Variants in CBLN2 observed in about 807,000 individuals in gnomAD.
CBLN2 encodes cerebellin 2 precursor, also known as cerebellin-2.
In CBLN2, 7 loss-of-function variants were observed where a neutral mutation model predicts 15.0. The ratio of observed to expected loss-of-function variants is 0.47; its 90% confidence interval spans 0.27 to 0.88. The LOEUF (loss-of-function observed/expected upper bound fraction) is 0.88, where lower values mean the gene tolerates loss of function less well. CBLN2 is among the 40% of genes least tolerant of loss of function. The pLI is 0.14. For missense variants in CBLN2, 242 were observed against 304.5 expected (o/e 0.79, Z 1.53); for synonymous variants, 149 against 135.2 (o/e 1.10, Z -0.71).
intron 1 of CBLN2, among the ~76,000 whole-genome samples, chr18:72,553,458 TGATAGATAGATAGATAGATA>T (rs5826203): frequency 4.7e-5 from 7 of 148,808 alleles, no homozygotes; most frequent in Non-Finnish European, 8.9e-5. Context: ...TAACAATTTG[TGATAGATAGATAGATAGATA>T]GATAGATAGA....
intron 1 of CBLN2, among the ~76,000 whole-genome samples, chr18:72,561,212 C>G (rs373828650): frequency 1.4e-5 from 2 of 140,336 alleles, no homozygotes; most frequent in East Asian, 4.2e-4. Context: ...CTTGAAATCA[C>G]TCCCAGGAAA....
chr18:72,632,951 A>T (rs959395332), intron 1 of CBLN2, among the ~76,000 whole-genome samples: 29 of 152,342 alleles, frequency 1.9e-4, no homozygotes, highest in African/African-American at 7.0e-4. Flanking sequence ...GAATAAATTA[A>T]TGAATAAATG....
chr18:72,583,264 G>A (rs1379020301), intron 1 of CBLN2, among the ~76,000 whole-genome samples: 1 of 152,206 alleles, frequency 6.6e-6, no homozygotes, highest in African/African-American at 2.4e-5. Flanking sequence ...AAAGAGAGGA[G>A]GGAAGAAGCG....
At chr18:72,565,566 T>A (rs2069289153) in intron 1 of CBLN2, among the ~76,000 whole-genome samples, 2 of 152,186 alleles carry the variant, frequency 1.3e-5, no homozygotes, top group African/African-American at 2.4e-5. Context: ...TAAGTTGTTA[T>A]CAACTTTAGA....
At chr18:72,574,269 G>A (rs2069350583) in intron 1 of CBLN2, among the ~76,000 whole-genome samples, 1 of 152,132 alleles carries the variant, frequency 6.6e-6, no homozygotes, top group African/African-American at 2.4e-5. Context: ...TCTCAGATCA[G>A]AATTTTTTAA....
chr18:72,541,843 G>A lies in CBLN2; in HGVS notation c.318C>T (p.Ser106=), dbSNP rs144009820. The change falls in exon 3 of 5, where the codon TCC becomes TCT. Residue 106 remains serine, a synonymous_variant. Transcript: ENST00000269503. The stretch of plus-strand genomic sequence containing the variant: ...TGGTCATGGTGCGGTTGCTCATCTC[G>A]GACGGCTCGTGGTTGGTGCTCCGCG... The part of the protein sequence containing the change: ...SATRSTNHEP[S]EMSNRTMTIY... 7 of 1,591,430 alleles carry A rather than the reference G, an allele frequency of 4.4e-6. No homozygotes were observed. Among genetic ancestry groups the A allele is most frequent in the African/African-American group, 4.1e-5 (3 of 73,868 alleles).
At chr18:72,618,397 C>A in intron 1 of CBLN2, 1 of 563,946 alleles carries the variant, frequency 1.8e-6, no homozygotes, top group South Asian at 1.7e-5. Flanking sequence ...ACAGACTAGG[C>A]GGTCTTGAGA....
rs189637601 is a variant in CBLN2, at chr18:72,588,763, C to T, written c.15+49562G>A. On this transcript the variant is annotated intron_variant, in intron 1 of 2. Transcript: ENST00000581073. The stretch of plus-strand genomic sequence containing the variant: ...TCTTTAAAGGCTAGAAAAGAATTAT[C>T]CCTCCCAAAGAGGAAAGGAAAACAT... 3.0e-3 allele frequency among the ~76,000 whole-genome samples: 464 copies of T among 152,234 alleles called. 2 individuals are homozygous for T. The highest frequency in any genetic ancestry group is 0.01 in the African/African-American group (435 of 41,540).
At chr18:72,637,495 G>A (rs935998031) in intron 1 of CBLN2, among the ~76,000 whole-genome samples, 6 of 152,216 alleles carry the variant, frequency 3.9e-5, no homozygotes, top group Admixed American at 2.0e-4. Context: ...AGAGGCTGGC[G>A]TGAATAGAAA....
intron 3 of CBLN2, 35 bp from the exon 4 acceptor site, chr18:72,538,807 A>G (rs2069087921): frequency 6.2e-7 from 1 of 1,608,742 alleles, no homozygotes; most frequent in African/African-American, 1.3e-5. Context: ...ACACAATGGC[A>G]AGCCCCTCCT....
At chr18:72,561,243 C>CAAAAA (rs33954304) in intron 1 of CBLN2, among the ~76,000 whole-genome samples, 1 of 124,998 alleles carries the variant, frequency 8.0e-6, no homozygotes, top group Non-Finnish European at 1.6e-5. Context: ...AACAACAACC[C>CAAAAA]AAAAAAAAAA....
Position 72,537,960 on chromosome 18 carries a change from C to T in CBLN2, c.*216G>A, listed in dbSNP as rs1184855843. ...TCATTTCTCCTTAAGACCTTGTCAT[C>T]TAAAACTAATTAGAGGCCAGGTTCC... On this transcript the variant is annotated 3_prime_UTR_variant, in exon 5 of 5. Coordinates refer to ENST00000269503, the MANE Select transcript of CBLN2 (RefSeq NM_182511.4). 1 of 592,664 alleles carries T rather than the reference C, an allele frequency of 1.7e-6. No individual in the cohort carries two copies. The highest frequency in any genetic ancestry group is 3.0e-6 in the Non-Finnish European group (1 of 333,182). 36.7% of individuals were successfully genotyped at this position (592,664 alleles called of 1,614,324 possible).
chr18:72,615,212 GTA>G (rs528387103), intron 1 of CBLN2, among the ~76,000 whole-genome samples: 2,567 of 129,874 alleles, frequency 0.02, 61 homozygotes, highest in African/African-American at 0.05. Flanking sequence ...TTATATATGT[GTA>G]TATATATGTA....
chr18:72,538,577 G>A, intron 4 of CBLN2, 76 bp downstream of exon 4: 2 of 1,582,032 alleles, frequency 1.3e-6, no homozygotes, highest in Non-Finnish European at 1.7e-6. Context: ...CAGCCTCAGA[G>A]ACCAGGTGAA....
At chr18:72,628,280 A>G (rs1568136530) in intron 1 of CBLN2, among the ~76,000 whole-genome samples, 1 of 152,218 alleles carries the variant, frequency 6.6e-6, no homozygotes, top group Non-Finnish European at 1.5e-5. Flanking sequence ...AAACTGAAAA[A>G]CTATTTGCAA....
chr18:72,573,801 A>C (rs939717248), intron 1 of CBLN2, among the ~76,000 whole-genome samples: 14 of 152,186 alleles, frequency 9.2e-5, no homozygotes, highest in African/African-American at 3.4e-4. Context: ...TCATTTGGGT[A>C]AATACAGGTG....
At chr18:72,582,891 T>C (rs1238837463) in intron 1 of CBLN2, among the ~76,000 whole-genome samples, 1 of 152,214 alleles carries the variant, frequency 6.6e-6, no homozygotes, top group Non-Finnish European at 1.5e-5. Flanking sequence ...CTACATCTTA[T>C]GTTGCATGCT....
At position 72,542,261 on chromosome 18, in the gene CBLN2, G is replaced by A. The variant is rs1483278217; in HGVS notation, c.-101C>T. The stretch of plus-strand genomic sequence containing the variant: ...GCGCGGAGCTCGCAGCAGCCTCCGG[G>A]GGCCTTCGTCCCCGGCTCTGACGTT... On this transcript the variant is annotated 5_prime_UTR_variant, in exon 3 of 5. Transcript: ENST00000269503. The A allele has an allele frequency of 5.4e-6, 4 of 744,686 alleles. No individual in the cohort carries two copies. The highest frequency in any genetic ancestry group is 3.8e-5 in the African/African-American group (2 of 53,016). 46.1% of individuals were successfully genotyped at this position (744,686 alleles called of 1,614,324 possible).
At chr18:72,565,674 T>C (rs887627177) in intron 1 of CBLN2, among the ~76,000 whole-genome samples, 4 of 152,164 alleles carry the variant, frequency 2.6e-5, no homozygotes, top group Non-Finnish European at 5.9e-5. Context: ...CAAAGCTTAC[T>C]GCTACAGTAA....
Sources: allele counts gnomAD v4.1 joint callset (sites outside exome capture counted in the v4.1 genomes callset), GRCh38; gene constraint gnomAD v4.1.1; transcripts MANE v1.5; gene names NCBI Gene and HGNC (gene_info 2026-07-23, HGNC 2026-07-21).